The following CDC42BPA variants were observed in gnomAD, a reference collection of about 807,000 sequenced individuals.
CDC42BPA encodes CDC42 binding protein kinase alpha.
In CDC42BPA, 80 loss-of-function variants were observed where a neutral mutation model predicts 223.5. The ratio of observed to expected loss-of-function variants is 0.36; its 90% CI spans 0.30 to 0.43. The LOEUF (loss-of-function observed/expected upper bound fraction) is 0.43, where lower values mean the gene tolerates loss of function less well. Among genes scored for constraint, CDC42BPA ranks in the 20% least tolerant of loss-of-function variants. CDC42BPA has a pLI of 1.00. For synonymous variants in CDC42BPA, 694 were observed against 718.6 expected (o/e 0.97, Z 0.55); for missense variants, 1,743 against 2,099.9 (o/e 0.83, Z 3.32).
At chr1:227,055,258 C>T (rs1674320109) in intron 21 of CDC42BPA, among the ~76,000 whole-genome samples, 1 of 151,838 alleles carries the variant, frequency 6.6e-6, no homozygotes. Flanking sequence ...TCGGTTACCG[C>T]CAGTGTAAAC....
At chr1:227,305,385 A>G (rs1692359314) in intron 1 of CDC42BPA, among the ~76,000 whole-genome samples, 1 of 152,138 alleles carries the variant, frequency 6.6e-6, no homozygotes, top group Admixed American at 6.5e-5. Flanking sequence ...CCCAAAATGG[A>G]TAGGATAAAA....
chr1:227,209,095 G>A (rs202060626), intron 3 of CDC42BPA, among the ~76,000 whole-genome samples: 22,025 of 145,116 alleles, frequency 0.15, 1,871 homozygotes, highest in East Asian at 0.36. Flanking sequence ...TGGATTCCTA[G>A]GTATTTTATT....
intron 29 of CDC42BPA, among the ~76,000 whole-genome samples, chr1:227,030,192 C>A (rs1669015286): frequency 6.6e-6 from 1 of 150,798 alleles, no homozygotes; most frequent in Non-Finnish European, 1.5e-5. Flanking sequence ...TAAAATGATA[C>A]AAGAAAGACA....
At chr1:227,098,074 C>A (rs1485704748) in intron 15 of CDC42BPA, among the ~76,000 whole-genome samples, 1 of 151,972 alleles carries the variant, frequency 6.6e-6, no homozygotes, top group Non-Finnish European at 1.5e-5. Context: ...GCCCCTTGGT[C>A]TAATTCTTTA....
chr1:227,275,515 A>G (rs970181001), intron 1 of CDC42BPA, among the ~76,000 whole-genome samples: 1 of 119,210 alleles, frequency 8.4e-6, no homozygotes, highest in Non-Finnish European at 1.8e-5. Flanking sequence ...AGATTGATAA[A>G]CCTCTAAAAG....
At chr1:227,297,963 C>T (rs61834321) in intron 1 of CDC42BPA, among the ~76,000 whole-genome samples, 88,675 of 137,384 alleles carry the variant, frequency 0.65, 27,800 homozygotes, top group East Asian at 0.72. Context: ...TGTATATATA[C>T]ATATACACAC....
intron 5 of CDC42BPA, among the ~76,000 whole-genome samples, chr1:227,162,420 C>T (rs2313498): frequency 0.98 from 148,956 of 152,352 alleles, 72,849 homozygotes; most frequent in East Asian, 1. Context: ...GCATATTTTA[C>T]ACTATTATGC....
At chr1:227,264,900 C>T (rs539791846) in intron 1 of CDC42BPA, 79 of 1,452,714 alleles carry the variant, frequency 5.4e-5, no homozygotes, top group South Asian at 4.8e-4. Context: ...TCTTCTGAAA[C>T]CTCAGATACC....
At chr1:227,072,372 C>A in intron 19 of CDC42BPA, 73 bp from the exon 20 acceptor site, 1 of 823,144 alleles carries the variant, frequency 1.2e-6, no homozygotes, top group Non-Finnish European at 2.0e-6. Context: ...TGGATGTAGC[C>A]AAACTTACTT....
At chr1:227,296,823 G>A (rs61834320) in intron 1 of CDC42BPA, among the ~76,000 whole-genome samples, 1 of 149,802 alleles carries the variant, frequency 6.7e-6, no homozygotes, top group Non-Finnish European at 1.5e-5. Context: ...AAAAAAAAGG[G>A]ACAAATTGGA....
intron 15 of CDC42BPA, 76 bp from the exon 16 acceptor site, chr1:227,092,067 G>C (rs1683175775): frequency 1.3e-6 from 1 of 778,870 alleles, no homozygotes. Context: ...TTTTCCAATA[G>C]TTACATAAAA....
At chr1:227,078,601 G>A (rs1024436770) in intron 17 of CDC42BPA, among the ~76,000 whole-genome samples, 4 of 152,058 alleles carry the variant, frequency 2.6e-5, no homozygotes, top group Non-Finnish European at 5.9e-5. Context: ...GTGAGAAGAT[G>A]TCCTTGCTCT....
At position 227,312,894 on chromosome 1, in the gene CDC42BPA, G is replaced by C. The variant is rs551944345; in HGVS notation, c.178+4111C>G. On this transcript the variant is annotated intron_variant, in intron 1 of 36. Transcript: ENST00000366766. ...TCCTCCCACTCCAGCCATGCAGGAC[G>C]GGGTCGGCTTCTCCTTTGCCTTTTA... Among the ~76,000 whole-genome samples, 6 of 152,204 alleles carry C rather than the reference G, an allele frequency of 3.9e-5. No homozygotes were observed. The South Asian group carries it at 1.2e-3, about 32-fold the overall frequency.
chr1:227,025,859 A>G (rs930547013), intron 31 of CDC42BPA, among the ~76,000 whole-genome samples, 196 bp downstream of exon 31: 5 of 152,186 alleles, frequency 3.3e-5, no homozygotes, highest in African/African-American at 4.8e-5. Flanking sequence ...TAGTAAAATT[A>G]GTATGGTTTT....
intron 1 of CDC42BPA, among the ~76,000 whole-genome samples, chr1:227,299,171 G>A (rs1691218890): frequency 6.6e-6 from 1 of 152,158 alleles, no homozygotes. Context: ...AATGAAACTT[G>A]ACTTTTTAAC....
At chr1:227,183,935 C>T (rs1291871555) in intron 5 of CDC42BPA, among the ~76,000 whole-genome samples, 1 of 152,130 alleles carries the variant, frequency 6.6e-6, no homozygotes, top group African/African-American at 2.4e-5. Context: ...CTGGCATTTT[C>T]GTAAAATTCA....
chr1:227,302,690 A>C (rs955766229), intron 1 of CDC42BPA, among the ~76,000 whole-genome samples: 2 of 152,038 alleles, frequency 1.3e-5, no homozygotes, highest in Non-Finnish European at 2.9e-5. Context: ...TCTTGTATTG[A>C]TGATTTTTTT....
rs1694637082 is a variant in CDC42BPA, at chr1:227,317,771, A to G, written c.-589T>C. The G allele has an allele frequency of 1.0e-5, 4 of 398,444 alleles. No individual in the cohort carries two copies. Among genetic ancestry groups the G allele is most frequent in the Non-Finnish European group, 1.8e-5 (4 of 226,088 alleles). The allele number at this position is 398,444 out of a possible 1,614,324, so 24.7% of individuals were successfully genotyped here. On this transcript the variant is annotated 5_prime_UTR_variant, in exon 1 of 37. Coordinates refer to ENST00000366766, the MANE Select transcript of CDC42BPA (RefSeq NM_001394014.1). ...CGGCAATTTCTCCAGCGGGAAAGGG[A>G]GGGGGCGAGGTCCCTGAAGCAGCCC...
chr1:227,214,240 T>C (rs1437334313), intron 2 of CDC42BPA, among the ~76,000 whole-genome samples: 1 of 151,750 alleles, frequency 6.6e-6, no homozygotes, highest in African/African-American at 2.4e-5. Flanking sequence ...ATAGCAAATG[T>C]GCATATCAAG....
Sources: gnomAD v4.1 joint callset for allele counts (sites outside exome capture counted in the v4.1 genomes callset) on GRCh38, gnomAD v4.1.1 for gene constraint, MANE v1.5 for transcripts, NCBI Gene and HGNC (gene_info 2026-07-23, HGNC 2026-07-21) for gene names.